PRMT2: variants seen among roughly 807,000 people sequenced by gnomAD.
PRMT2 encodes the protein protein arginine N-methyltransferase 2.
PRMT2 carries 26 observed loss-of-function variants against 57.6 expected under a neutral mutation model. The ratio of observed to expected loss-of-function variants is 0.45; its 90% CI spans 0.33 to 0.63. The LOEUF (loss-of-function observed/expected upper bound fraction) is 0.63, where lower values mean the gene tolerates loss of function less well. PRMT2 is among the 20% of genes least tolerant of loss of function. PRMT2 has a pLI of 0.02. For synonymous variants in PRMT2, 219 were observed against 220.0 expected (o/e 1.00, Z 0.04); for missense variants, 472 against 564.4 (o/e 0.84, Z 1.66).
chr21:46,664,256 T>A, intron 11 of PRMT2, 39 bp from the exon 12 acceptor site: 1 of 1,457,018 alleles, frequency 6.9e-7, no homozygotes, highest in Non-Finnish European at 9.6e-7. Context: ...ATCAAATGAT[T>A]TATCATCTGA....
intron 5 of PRMT2, among the ~76,000 whole-genome samples, chr21:46,647,970 C>A (rs1055342227): frequency 6.7e-6 from 1 of 149,014 alleles, no homozygotes; most frequent in African/African-American, 2.5e-5. Context: ...TCCAGCAGTT[C>A]TTTTTTTTTT....
chr21:46,659,481 C>T, intron 8 of PRMT2: 1 of 983,382 alleles, frequency 1.0e-6, no homozygotes. Context: ...AGATGACTAG[C>T]CAGATGGAAT....
At chr21:46,654,824 C>T (rs78177906) in intron 7 of PRMT2, 21,321 of 874,552 alleles carry the variant, frequency 0.024, 291 homozygotes, top group Non-Finnish European at 0.027. Flanking sequence ...TGAATATCCA[C>T]GGGGGTCCTG....
intron 7 of PRMT2, chr21:46,651,682 G>A (rs963484553): frequency 6.4e-6 from 7 of 1,092,890 alleles, no homozygotes; most frequent in Admixed American, 6.2e-5. Flanking sequence ...CAGGGCAGAC[G>A]GGGCTGCAAG....
In PRMT2 at chr21:46,643,568, C is replaced by G. The variant is rs771733066; in HGVS notation, c.73C>G (p.Leu25Val). 3 of 1,607,022 alleles carry G rather than the reference C, an allele frequency of 1.9e-6. No homozygotes were observed. Among genetic ancestry groups the G allele is most frequent in the Non-Finnish European group, 2.5e-6 (3 of 1,177,578 alleles). The change falls in exon 4 of 12, where the codon CTC (leucine) becomes GTC (valine). Residue 25 changes from leucine (L) to valine (V), a missense_variant. By Grantham distance (32) the Leu-to-Val change is conservative. Transcript: ENST00000355680. The part of the protein sequence containing the change: ...EEPAECSEAG[L>V]LQEGVQPEEF... ...GCCTGCTGAGTGCAGTGAGGCCGGT[C>G]TCCTGCAGGAGGGAGTACAGCCAGA...
At chr21:46,659,095 T>C (rs1315877364) in intron 8 of PRMT2, 175 bp downstream of exon 8, 4 of 1,389,978 alleles carry the variant, frequency 2.9e-6, no homozygotes, top group Admixed American at 3.2e-5. Context: ...TATGGTGCTA[T>C]AACAAGACAG....
rs948123783 is a variant in PRMT2, at chr21:46,648,975, TG to T, written c.489+358del. Reference sequence around the variant, plus strand: ...ACATGTCTGTGCTGGGCCTTGGGTGTGGTTGGTCTCATGGGGTTGGGAGGGA... The same window carrying T: ...ACATGTCTGTGCTGGGCCTTGGGTGTGTTGGTCTCATGGGGTTGGGAGGGA... On this transcript the variant is annotated intron_variant, in intron 6 of 11. Transcript: ENST00000355680. The surrounding 1 kb of genome is among the most constrained non-coding windows in gnomAD (Gnocchi z 4.8). Among the ~76,000 whole-genome samples, 1 of 151,998 alleles carries T rather than the reference TG, an allele frequency of 6.6e-6. No individual in the cohort carries two copies. The highest frequency in any genetic ancestry group is 2.4e-5 in the African/African-American group (1 of 41,370).
rs371889784 is a variant in PRMT2, at chr21:46,658,828, G to A, written c.738G>A (p.Ala246=). The change falls in exon 8 of 12, where the codon GCG becomes GCA. Residue 246 remains alanine, a synonymous_variant. Coordinates refer to ENST00000355680, the MANE Select transcript of PRMT2 (RefSeq NM_206962.4). ...GGGTCATTTGGCCCACCATGGCTGC[G>A]TTGCACCTTGTGCCCTGCAGTGCTG... ...EDGVIWPTMA[A]LHLVPCSADK... The A allele has an allele frequency of 8.1e-6, 13 of 1,614,094 alleles. No homozygotes were observed. The highest frequency in any genetic ancestry group is 6.7e-5 in the East Asian group (3 of 44,896).
rs755183314 is a variant in PRMT2, at chr21:46,649,692, G to A, written c.607G>A (p.Glu203Lys). The change falls in exon 7 of 12, where the codon GAG (glutamate) becomes AAG (lysine). Residue 203 changes from glutamate to lysine, a missense_variant. Coordinates refer to ENST00000355680, the MANE Select transcript of PRMT2 (RefSeq NM_206962.4). This position sits in a 1 kb window ranked among gnomAD's most constrained non-coding sequence, Gnocchi z 4.8. ...GAAGGTGGAGGATGTGGTGCTGCCC[G>A]AGAAGGTGGACGTGCTGGTGTCTGA... ...QQKVEDVVLP[E>K]KVDVLVSEWM... The A allele has an allele frequency of 3.7e-6, 6 of 1,613,864 alleles. No individual in the cohort carries two copies. In the South Asian group the frequency reaches 6.6e-5, roughly 18 times the overall value.
In PRMT2 at chr21:46,643,600, T is replaced by G. The variant is rs1294927606; in HGVS notation, c.105T>G (p.Phe35Leu). The change falls in exon 4 of 12, where the codon TTT becomes TTG. Residue 35 changes from phenylalanine to leucine, a missense_variant. Around this residue, in one of 2 missense-constraint regions of PRMT2, gnomAD observed 243 missense variants for 347.2 expected, o/e 0.70. Transcript: ENST00000355680. ...AGGAGGGAGTACAGCCAGAGGAGTT[T>G]GTGGCCATCGCGGACTACGCTGCCA... ...LLQEGVQPEE[F>L]VAIADYAATD... is the part of the protein sequence containing the mutation. 1.2e-6 allele frequency: 2 copies of G among 1,611,240 alleles called. No homozygotes were observed. The highest frequency in any genetic ancestry group is 2.7e-5 in the African/African-American group (2 of 74,734).
intron 3 of PRMT2, 59 bp from the exon 4 acceptor site, chr21:46,643,475 CA>C (rs34541039): frequency 0.066 from 77,468 of 1,182,522 alleles, 188 homozygotes; most frequent in African/African-American, 0.15. Flanking sequence ...ATAATATAGC[CA>C]AAAAAAAAAA....
intron 7 of PRMT2, among the ~76,000 whole-genome samples, chr21:46,650,290 C>CA (rs1555933017): frequency 4.6e-5 from 7 of 152,230 alleles, no homozygotes; most frequent in South Asian, 2.1e-4. Context: ...GCTGTCTGCC[C>CA]GCGCTGTCTT....
intron 8 of PRMT2, chr21:46,660,049 CAT>C: frequency 1.0e-6 from 1 of 982,506 alleles, no homozygotes; most frequent in Non-Finnish European, 1.2e-6. Context: ...TATACTTGTC[CAT>C]AGTTTCCAAT....
Position 46,648,250 on chromosome 21 carries a change from T to A in PRMT2, c.328-208T>A, listed in dbSNP as rs1246150450. On this transcript the variant is annotated intron_variant, in intron 5 of 11. Coordinates refer to ENST00000355680, the MANE Select transcript of PRMT2 (RefSeq NM_206962.4). The surrounding 1 kb of genome is among the most constrained non-coding windows in gnomAD (Gnocchi z 4.8). Reference sequence around the variant, plus strand: ...TTTGTTCCTAGGTATTTTTTGTGTATTATTACTGTTATAAGGGGGTGGGTG... The same window carrying A: ...TTTGTTCCTAGGTATTTTTTGTGTAATATTACTGTTATAAGGGGGTGGGTG... 1.9e-6 allele frequency: 1 copy of A among 518,136 alleles called. No homozygotes were observed. Among genetic ancestry groups the A allele is most frequent in the African/African-American group, 1.9e-5 (1 of 53,070 alleles). 32.1% of individuals were successfully genotyped at this position (518,136 alleles called of 1,614,324 possible).
chr21:46,651,772 T>C, intron 7 of PRMT2: 2 of 1,610,780 alleles, frequency 1.2e-6, no homozygotes, highest in African/African-American at 1.3e-5. Flanking sequence ...GAGTCGTTGG[T>C]GCGGTTGTAC....
At chr21:46,662,755 C>T (rs572233897) in intron 10 of PRMT2, among the ~76,000 whole-genome samples, 1 of 152,274 alleles carries the variant, frequency 6.6e-6, no homozygotes, top group Non-Finnish European at 1.5e-5. Flanking sequence ...GAAGACAGAG[C>T]CTGAGGAACT....
intron 11 of PRMT2, 132 bp downstream of exon 11, chr21:46,663,686 C>G: frequency 2.2e-6 from 2 of 915,890 alleles, no homozygotes; most frequent in Non-Finnish European, 1.6e-6. Flanking sequence ...TGATTTAATC[C>G]TTACACAGAA....
At chr21:46,644,618 C>A in intron 5 of PRMT2, 130 bp downstream of exon 5, 1 of 881,484 alleles carries the variant, frequency 1.1e-6, no homozygotes, top group East Asian at 2.9e-5. Context: ...CCACTCAGCT[C>A]TGACATGGTT....
chr21:46,660,168 A>AT (rs905593109), intron 8 of PRMT2: 69 of 978,282 alleles, frequency 7.1e-5, no homozygotes, highest in Non-Finnish European at 8.3e-5. Flanking sequence ...TGCTTTGCTT[A>AT]TTTTTTACAA....
Sources: allele counts gnomAD v4.1 joint callset (sites outside exome capture counted in the v4.1 genomes callset), GRCh38; gene constraint gnomAD v4.1.1; regional missense constraint gnomAD v4.1.1; non-coding constraint Gnocchi (gnomAD v3.1); transcripts MANE v1.5; gene names NCBI Gene and HGNC (gene_info 2026-07-23, HGNC 2026-07-21).